Variants in TTC28 observed in about 807,000 individuals in gnomAD.
TTC28 encodes tetratricopeptide repeat domain 28.
In TTC28, 61 loss-of-function variants were observed where a neutral mutation model predicts 198.0. That is an observed-to-expected ratio of 0.31 (90% CI 0.25 to 0.38). The LOEUF is 0.38. Among genes scored for constraint, TTC28 ranks in the 10% least tolerant of loss-of-function variants. The pLI, the probability that TTC28 is intolerant of heterozygous loss-of-function variation, is 1.00. For missense variants in TTC28, 2,678 were observed against 3,164.0 expected, an observed-to-expected ratio of 0.85 and a Z score of 3.69; for synonymous variants, 1,171 against 1,297.8, an observed-to-expected ratio of 0.90 and a Z score of 2.10.
chr22:27,981,898 T>C lies in TTC28; in HGVS notation c.*323A>G, dbSNP rs1195039987. 7.2e-6 allele frequency: 2 copies of C among 276,048 alleles called. No individual in the cohort carries two copies. The highest frequency in any genetic ancestry group is 4.4e-5 in the African/African-American group (2 of 45,508). The allele number at this position is 276,048 out of a possible 1,614,324, so 17.1% of individuals were successfully genotyped here. On this transcript the variant is annotated 3_prime_UTR_variant, in exon 23 of 23. Coordinates refer to ENST00000397906, the MANE Select transcript of TTC28 (RefSeq NM_001145418.2). The stretch of plus-strand genomic sequence containing the variant: ...CTCCCCACCCCAGAACCATGATCAT[T>C]TTTGTACAAAATCCTGGTGAAGAAT...
intron 18 of TTC28, chr22:27,993,049 G>T: frequency 1.7e-6 from 1 of 577,602 alleles, no homozygotes; most frequent in Admixed American, 3.3e-5. Flanking sequence ...TCCCGGGAAG[G>T]GGCAGCGCCA....
intron 5 of TTC28, among the ~76,000 whole-genome samples, chr22:28,243,048 A>G (rs1044488957): frequency 1.3e-5 from 2 of 150,570 alleles, no homozygotes; most frequent in Admixed American, 6.6e-5. Flanking sequence ...AAAAAAAAAA[A>G]AAAACTGGGC....
At chr22:28,252,359 G>A (rs1358294677) in intron 5 of TTC28, among the ~76,000 whole-genome samples, 1 of 152,166 alleles carries the variant, frequency 6.6e-6, no homozygotes, top group African/African-American at 2.4e-5. Flanking sequence ...GCTCAGCAGA[G>A]AATGGCTGCA....
intron 5 of TTC28, among the ~76,000 whole-genome samples, chr22:28,286,662 C>T (rs1441642203): frequency 1.3e-5 from 2 of 151,996 alleles, no homozygotes; most frequent in African/African-American, 2.4e-5. Flanking sequence ...AAAACTATAA[C>T]AATAAAAAAA....
At chr22:28,384,601 A>C (rs2046546310) in intron 2 of TTC28, among the ~76,000 whole-genome samples, 1 of 152,220 alleles carries the variant, frequency 6.6e-6, no homozygotes. Flanking sequence ...GTGGTGATGA[A>C]ACGAAGGTAT....
intron 5 of TTC28, among the ~76,000 whole-genome samples, chr22:28,171,530 T>C (rs949612420): frequency 6.6e-6 from 1 of 151,986 alleles, no homozygotes; most frequent in Non-Finnish European, 1.5e-5. Context: ...TGAGTGATTT[T>C]CTACCCTATT....
intron 6 of TTC28, among the ~76,000 whole-genome samples, chr22:28,156,992 A>G (rs1338588852): frequency 6.6e-6 from 1 of 152,214 alleles, no homozygotes; most frequent in African/African-American, 2.4e-5. Flanking sequence ...AAAACACAAA[A>G]GATAAATGAA....
chr22:28,372,449 C>T (rs900915241), intron 2 of TTC28, among the ~76,000 whole-genome samples: 4 of 152,006 alleles, frequency 2.6e-5, no homozygotes, highest in Non-Finnish European at 4.4e-5. Flanking sequence ...GTTTTTCTTT[C>T]CCTACAGTCC....
At chr22:28,439,171 A>T (rs1456357263) in intron 2 of TTC28, among the ~76,000 whole-genome samples, 1 of 152,232 alleles carries the variant, frequency 6.6e-6, no homozygotes, top group African/African-American at 2.4e-5. Flanking sequence ...ATGGTTCCTG[A>T]ACTCAAGGAG....
chr22:28,439,327 C>T (rs1381209717), intron 2 of TTC28, among the ~76,000 whole-genome samples: 1 of 152,134 alleles, frequency 6.6e-6, no homozygotes, highest in Non-Finnish European at 1.5e-5. Context: ...GGTAAAATCA[C>T]TATGGTTTTT....
chr22:28,165,003 A>C (rs912239487), intron 5 of TTC28, among the ~76,000 whole-genome samples: 3 of 152,202 alleles, frequency 2.0e-5, no homozygotes, highest in Non-Finnish European at 4.4e-5. Context: ...GGAGCTGAAA[A>C]CCATGGCATG....
chr22:28,116,882 GC>G (rs2146928342), intron 6 of TTC28, among the ~76,000 whole-genome samples: 1 of 152,252 alleles, frequency 6.6e-6, no homozygotes, highest in East Asian at 1.9e-4. Context: ...CAGCCACAGA[GC>G]AGTCCCATAC....
At chr22:28,529,013 T>C (rs1601519023) in intron 2 of TTC28, among the ~76,000 whole-genome samples, 1 of 152,046 alleles carries the variant, frequency 6.6e-6, no homozygotes, top group African/African-American at 2.4e-5. Flanking sequence ...CACAGATGGG[T>C]GATTTCTGCA....
At chr22:28,200,517 G>A (rs1925832448) in intron 5 of TTC28, among the ~76,000 whole-genome samples, 1 of 152,028 alleles carries the variant, frequency 6.6e-6, no homozygotes. Context: ...GATAGTGTTG[G>A]TACCTGGCTC....
intron 12 of TTC28, among the ~76,000 whole-genome samples, chr22:28,058,373 G>A (rs772133084): frequency 6.6e-6 from 1 of 152,032 alleles, no homozygotes; most frequent in Non-Finnish European, 1.5e-5. Context: ...GTTGAGCCTA[G>A]AAGTCAATTT....
rs1453440492 is a variant in TTC28, at chr22:27,979,515, A to G, written c.*2706T>C. ...AAAAAGGCCAGGTATTGAATATTTT[A>G]TGTGGTGTGGGCCAAAGGCAAAATC... On this transcript the variant is annotated 3_prime_UTR_variant, in exon 23 of 23. Transcript: ENST00000397906. 4.0e-5 allele frequency: 6 copies of G among 151,432 alleles called. No homozygotes were observed. Among genetic ancestry groups the G allele is most frequent in the Non-Finnish European group, 8.8e-5 (6 of 67,906 alleles). 9.4% of individuals were successfully genotyped at this position (151,432 alleles called of 1,614,324 possible).
chr22:28,128,700 G>A (rs1044649888), intron 6 of TTC28, among the ~76,000 whole-genome samples: 2 of 151,866 alleles, frequency 1.3e-5, no homozygotes, highest in Non-Finnish European at 2.9e-5. Flanking sequence ...CACCATGCCC[G>A]GCTAATTTTT....
intron 5 of TTC28, among the ~76,000 whole-genome samples, chr22:28,267,010 T>C (rs1931727023): frequency 6.6e-6 from 1 of 152,174 alleles, no homozygotes. Context: ...GAGTTAAATA[T>C]GGAAGCTTTC....
At chr22:28,346,117 C>T (rs1041627154) in intron 2 of TTC28, among the ~76,000 whole-genome samples, 5 of 152,146 alleles carry the variant, frequency 3.3e-5, no homozygotes, top group Non-Finnish European at 5.9e-5. Context: ...ACAAGTACTA[C>T]TAGCCCATTT....
Sources: allele counts gnomAD v4.1 joint callset (sites outside exome capture counted in the v4.1 genomes callset), GRCh38; gene constraint gnomAD v4.1.1; transcripts MANE v1.5; gene names NCBI Gene and HGNC (gene_info 2026-07-23, HGNC 2026-07-21).